The following LDLRAD4 variants were observed in gnomAD, a reference collection of about 807,000 sequenced individuals.
LDLRAD4 encodes low-density lipoprotein receptor class A domain-containing protein 4.
A neutral mutation model predicts 17.0 loss-of-function variants in LDLRAD4; 5 were observed. That is an observed-to-expected ratio of 0.29 (90% CI 0.15 to 0.62). LDLRAD4 has a LOEUF of 0.62. Among genes scored for constraint, LDLRAD4 ranks in the 20% least tolerant of loss-of-function variants. The probability of loss-of-function intolerance (pLI) is 0.84; values close to 1 mark genes in which losing one functional copy is unlikely to be tolerated. For synonymous variants in LDLRAD4, 168 were observed against 171.8 expected (o/e 0.98, Z 0.17); for missense variants, 340 against 424.7 (o/e 0.80, Z 1.75).
chr18:13,237,101 G>T (rs1304162281), intron 1 of LDLRAD4, among the ~76,000 whole-genome samples: 1 of 152,212 alleles, frequency 6.6e-6, no homozygotes, highest in Non-Finnish European at 1.5e-5. Context: ...CGCTTGCTAG[G>T]CATGCTGGCT....
chr18:13,254,094 G>A (rs62097311), intron 1 of LDLRAD4, among the ~76,000 whole-genome samples: 43,311 of 152,188 alleles, frequency 0.28, 6,888 homozygotes, highest in Admixed American at 0.42. Flanking sequence ...CATAAGCCCC[G>A]GCGAGATTCC....
chr18:13,273,383 C>T (rs1368804115), upstream of LDLRAD4, among the ~76,000 whole-genome samples: 1 of 152,162 alleles, frequency 6.6e-6, no homozygotes, highest in African/African-American at 2.4e-5. Context: ...TCACTGCAGC[C>T]TCAAACTCCT....
intron 1 of LDLRAD4, among the ~76,000 whole-genome samples, chr18:13,377,700 G>A (rs872906): frequency 0.32 from 49,179 of 152,054 alleles, 8,481 homozygotes; most frequent in Admixed American, 0.4. Flanking sequence ...AGGCAGTGAG[G>A]AGTCATCATT....
At chr18:13,390,646 G>C (rs2086199992) in intron 2 of LDLRAD4, among the ~76,000 whole-genome samples, 1 of 150,950 alleles carries the variant, frequency 6.6e-6, no homozygotes, top group African/African-American at 2.5e-5. Flanking sequence ...TGCTTGAGGG[G>C]GTCATGTCTC....
At chr18:13,311,967 G>T (rs2047262205) in intron 1 of LDLRAD4, among the ~76,000 whole-genome samples, 1 of 151,906 alleles carries the variant, frequency 6.6e-6, no homozygotes, top group Admixed American at 6.6e-5. Context: ...GAGTAGCTGG[G>T]ACTACAGGCG....
intron 2 of LDLRAD4, among the ~76,000 whole-genome samples, chr18:13,405,223 A>G (rs1489988309): frequency 2.0e-5 from 3 of 152,100 alleles, no homozygotes; most frequent in Non-Finnish European, 4.4e-5. Context: ...GCATCTCTTT[A>G]GTCTCCACAG....
rs538851008 is a variant in LDLRAD4, at chr18:13,498,637, G to A, written c.181+60253G>A. On this transcript the variant is annotated intron_variant, in intron 3 of 5. Transcript: ENST00000359446. ...CACTGGAGAATCCTTCTTGCCACACGTGTCCCACTGTGGACACTGGAGAAT... is the reference window on the plus strand; with the variant it reads ...CACTGGAGAATCCTTCTTGCCACACATGTCCCACTGTGGACACTGGAGAAT... Among the ~76,000 whole-genome samples, 469 of 120,454 alleles carry A rather than the reference G, an allele frequency of 3.9e-3. 4 individuals are homozygous for A. The highest frequency in any genetic ancestry group is 0.014 in the African/African-American group (447 of 31,134). The allele number at this position is 120,454 out of a possible 152,430, so 79.0% of individuals were successfully genotyped here. A position where few individuals can be genotyped will look rare whatever the true frequency, so the allele number is the denominator to read the frequency against.
intron 3 of LDLRAD4, among the ~76,000 whole-genome samples, chr18:13,480,933 T>C (rs1257185335): frequency 6.6e-6 from 1 of 152,212 alleles, no homozygotes; most frequent in Non-Finnish European, 1.5e-5. Context: ...TTGACTAGTG[T>C]GTCAGCATCT....
chr18:13,446,847 G>A (rs1239464823), intron 3 of LDLRAD4, among the ~76,000 whole-genome samples: 3 of 152,252 alleles, frequency 2.0e-5, no homozygotes, highest in Non-Finnish European at 4.4e-5. Context: ...TTGTCTGAGC[G>A]CATTGGCTCC....
chr18:13,427,232 AAAG>A (rs1197954861), intron 2 of LDLRAD4: 1 of 145,030 alleles, frequency 6.9e-6, no homozygotes. Context: ...AAAGGAAAGA[AAAG>A]AAAAGAAAAA....
At chr18:13,412,865 C>T (rs1379727254) in intron 2 of LDLRAD4, among the ~76,000 whole-genome samples, 1 of 152,246 alleles carries the variant, frequency 6.6e-6, no homozygotes, top group Non-Finnish European at 1.5e-5. Context: ...GATCACTTTG[C>T]TCCCAGCAGC....
chr18:13,604,957 C>A (rs984578389), intron 3 of LDLRAD4, among the ~76,000 whole-genome samples: 2 of 152,116 alleles, frequency 1.3e-5, no homozygotes, highest in African/African-American at 4.8e-5. Context: ...GCTCAAGGGC[C>A]AGGACCCTTC....
At chr18:13,643,124 C>T (rs1255213604) in intron 4 of LDLRAD4, among the ~76,000 whole-genome samples, 1 of 151,792 alleles carries the variant, frequency 6.6e-6, no homozygotes, top group African/African-American at 2.4e-5. Flanking sequence ...TTAGTAGAGA[C>T]GGGGTTTCAC....
intron 1 of LDLRAD4, among the ~76,000 whole-genome samples, chr18:13,359,477 T>C (rs966078016): frequency 1.3e-5 from 2 of 152,080 alleles, no homozygotes; most frequent in African/African-American, 2.4e-5. Context: ...TGTCACATGA[T>C]GTACTTCCGT....
intron 1 of LDLRAD4, among the ~76,000 whole-genome samples, chr18:13,322,475 T>A (rs573480233): frequency 9.9e-5 from 15 of 151,764 alleles, no homozygotes; most frequent in South Asian, 8.4e-4. Context: ...AATTTTTGTA[T>A]TTTTAGTAGA....
At chr18:13,431,065 A>C (rs907177146) in intron 2 of LDLRAD4, among the ~76,000 whole-genome samples, 1 of 152,210 alleles carries the variant, frequency 6.6e-6, no homozygotes, top group African/African-American at 2.4e-5. Context: ...ATGGCTTTAG[A>C]GTTCTATAGA....
At chr18:13,625,370 G>C (rs1447421419) in intron 4 of LDLRAD4, among the ~76,000 whole-genome samples, 2 of 152,166 alleles carry the variant, frequency 1.3e-5, no homozygotes, top group African/African-American at 4.8e-5. Flanking sequence ...GTGAGTTTTG[G>C]TTTGGAGGAG....
intron 3 of LDLRAD4, among the ~76,000 whole-genome samples, chr18:13,560,711 T>C (rs1029191196): frequency 6.6e-6 from 1 of 152,252 alleles, no homozygotes; most frequent in African/African-American, 2.4e-5. Flanking sequence ...GAGCTCAAGC[T>C]TCCCTTTTCA....
At position 13,405,168 on chromosome 18, in the gene LDLRAD4, A is replaced by G. The variant is rs538212036; in HGVS notation, c.40+17406A>G. Among the ~76,000 whole-genome samples the G allele has an allele frequency of 2.4e-4, 36 of 152,022 alleles. 1 individual carries two copies. Among genetic ancestry groups the G allele is most frequent in the Non-Finnish European group, 4.7e-4 (32 of 68,014 alleles). ...TATTAATATTATTAGTTAGCATTTA[A>G]TTATATACCATGGGTCAGGTGCTGT... On this transcript the variant is annotated intron_variant, in intron 2 of 5. Transcript: ENST00000359446.
Sources: gnomAD v4.1 joint callset for allele counts (sites outside exome capture counted in the v4.1 genomes callset) on GRCh38, gnomAD v4.1.1 for gene constraint, MANE v1.5 for transcripts, NCBI Gene and HGNC (gene_info 2026-07-23, HGNC 2026-07-21) for gene names.